GRIP1: variants seen among roughly 807,000 people sequenced by gnomAD.
GRIP1 encodes the protein glutamate receptor interacting protein 1, also known as glutamate receptor-interacting protein 1.
A neutral mutation model predicts 129.9 loss-of-function variants in GRIP1; 45 were observed. The observed-to-expected ratio is 0.35, with a 90% confidence interval of 0.27 to 0.44. The LOEUF is 0.44. GRIP1 is among the 20% of genes least tolerant of loss of function. GRIP1 has a pLI of 1.00. For missense variants in GRIP1, 1,196 were observed against 1,396.8 expected (o/e 0.86, Z 2.29); for synonymous variants, 530 against 520.8 (o/e 1.02, Z -0.24).
chr12:66,601,808 C>T lies in GRIP1; in HGVS notation c.56-4881G>A, dbSNP rs184609988. Among the ~76,000 whole-genome samples, 46 of 152,220 alleles carry T rather than the reference C, an allele frequency of 3.0e-4. No individual in the cohort carries two copies. The East Asian group carries it at 5.0e-3, about 17-fold the overall frequency. On this transcript the variant is annotated intron_variant, in intron 1 of 24. Transcript: ENST00000359742. ...TTCCATTAATGAACAAAATAAAATC[C>T]GCTGTGGATGAAACAATCTGTCCCT...
intron 1 of GRIP1, among the ~76,000 whole-genome samples, chr12:66,612,845 C>T (rs1214210765): frequency 6.6e-6 from 1 of 152,034 alleles, no homozygotes; most frequent in Non-Finnish European, 1.5e-5. Context: ...ATTTGATAAA[C>T]ATTAATCGAT....
intron 5 of GRIP1, among the ~76,000 whole-genome samples, chr12:66,527,257 C>A (rs1361205670): frequency 2.0e-5 from 3 of 151,250 alleles, no homozygotes; most frequent in Admixed American, 6.6e-5. Context: ...TTCACGATAG[C>A]AAAGACTTGG....
chr12:66,404,438 T>G (rs1287443079), intron 16 of GRIP1, among the ~76,000 whole-genome samples: 2 of 152,194 alleles, frequency 1.3e-5, no homozygotes, highest in African/African-American at 4.8e-5. Context: ...ACCAATTTAC[T>G]GAATTAATTG....
intron 1 of GRIP1, among the ~76,000 whole-genome samples, chr12:66,779,371 C>A (rs1377767335): frequency 2.0e-5 from 3 of 151,444 alleles, no homozygotes; most frequent in Non-Finnish European, 2.9e-5. Flanking sequence ...GTTCTGTATT[C>A]AAAAAAAACC....
At chr12:66,727,936 A>G (rs2036308521) in intron 1 of GRIP1, among the ~76,000 whole-genome samples, 11 of 152,234 alleles carry the variant, frequency 7.2e-5, no homozygotes, top group Admixed American at 7.2e-4. Context: ...TGGGCAAGAA[A>G]TAATTTCAAT....
intron 1 of GRIP1, among the ~76,000 whole-genome samples, chr12:66,717,415 A>G (rs1430612910): frequency 1.3e-5 from 2 of 151,182 alleles, no homozygotes; most frequent in Non-Finnish European, 2.9e-5. Context: ...ATGGCCCAGG[A>G]AGGTGTTTAT....
chr12:66,399,552 G>T, intron 16 of GRIP1, among the ~76,000 whole-genome samples: 1 of 151,940 alleles, frequency 6.6e-6, no homozygotes, highest in East Asian at 1.9e-4. Flanking sequence ...GGTTTACAAC[G>T]ATTAGTGAAA....
chr12:66,739,890 T>C (rs888316759), intron 1 of GRIP1, among the ~76,000 whole-genome samples: 2 of 152,140 alleles, frequency 1.3e-5, no homozygotes, highest in African/African-American at 4.8e-5. Flanking sequence ...CTGTTGAGGC[T>C]CAGTCCTCAA....
chr12:66,374,254 C>T (rs553320300), intron 22 of GRIP1, among the ~76,000 whole-genome samples: 8 of 152,128 alleles, frequency 5.3e-5, no homozygotes, highest in Admixed American at 6.5e-5. Flanking sequence ...GTGATGTGAT[C>T]TTGGCTCACT....
In GRIP1 at chr12:66,420,415, G is replaced by GTTTT. The variant is rs71096102; in HGVS notation, c.1838+301_1838+304dup. ...TCTAATAAGTGCTGCTACTTTCAGGGTTTTTTTTTTTTTTTTTTGGTCAGA... is the reference window on the plus strand; with the variant it reads ...TCTAATAAGTGCTGCTACTTTCAGGGTTTTTTTTTTTTTTTTTTTTTTGGTCAGA... On this transcript the variant is annotated intron_variant, in intron 15 of 24. Coordinates refer to ENST00000359742, the MANE Select transcript of GRIP1 (RefSeq NM_001366722.1). Among the ~76,000 whole-genome samples, 45 of 127,874 alleles carry GTTTT rather than the reference G, an allele frequency of 3.5e-4. 3 individuals are homozygous for GTTTT. Among genetic ancestry groups the GTTTT allele is most frequent in the African/African-American group, 8.5e-4 (29 of 34,054 alleles). The allele number at this position is 127,874 out of a possible 152,430, so 83.9% of individuals were successfully genotyped here. A position where few individuals can be genotyped will look rare whatever the true frequency, so the allele number is the denominator to read the frequency against.
At chr12:66,626,192 T>A (rs2030006971) in intron 1 of GRIP1, among the ~76,000 whole-genome samples, 1 of 151,870 alleles carries the variant, frequency 6.6e-6, no homozygotes, top group Non-Finnish European at 1.5e-5. Flanking sequence ...CAAAAACAAT[T>A]GGCTAGCTAT....
chr12:66,504,643 C>T (rs2060478535), intron 7 of GRIP1, among the ~76,000 whole-genome samples: 1 of 152,134 alleles, frequency 6.6e-6, no homozygotes, highest in African/African-American at 2.4e-5. Flanking sequence ...ATGGCCACCA[C>T]CAGTTAATCA....
intron 1 of GRIP1, among the ~76,000 whole-genome samples, chr12:66,774,235 T>A (rs1279696558): frequency 3.3e-5 from 5 of 152,186 alleles, no homozygotes; most frequent in Non-Finnish European, 7.3e-5. Flanking sequence ...TTCATTAAGA[T>A]CATTAACAGG....
intron 7 of GRIP1, among the ~76,000 whole-genome samples, chr12:66,507,564 T>A (rs1390696669): frequency 6.6e-6 from 1 of 152,172 alleles, no homozygotes; most frequent in Non-Finnish European, 1.5e-5. Flanking sequence ...AAGATGCAGT[T>A]GTGATAATGC....
intron 16 of GRIP1, among the ~76,000 whole-genome samples, chr12:66,404,119 G>A (rs182497909): frequency 3.1e-4 from 47 of 152,324 alleles, no homozygotes; most frequent in African/African-American, 9.9e-4. Context: ...AGGCTTGTAA[G>A]GAGAGAAATG....
At chr12:66,554,703 CA>C (rs1443779058) in intron 2 of GRIP1, among the ~76,000 whole-genome samples, 1 of 152,136 alleles carries the variant, frequency 6.6e-6, no homozygotes, top group East Asian at 1.9e-4. Flanking sequence ...GCATTCATTA[CA>C]AGCTGACTGA....
At position 66,723,304 on chromosome 12, in the gene GRIP1, CTT is replaced by C. The variant is rs57938064; in HGVS notation, c.-420+80747_-420+80748del. Among the ~76,000 whole-genome samples, 85 of 58,384 alleles carry C rather than the reference CTT, an allele frequency of 1.5e-3. 1 individual carries two copies. The highest frequency in any genetic ancestry group is 3.8e-3 in the African/African-American group (45 of 11,772). The allele number at this position is 58,384 out of a possible 152,430, so 38.3% of individuals were successfully genotyped here. On this transcript the variant is annotated intron_variant, in intron 1 of 4. Transcript: ENST00000538373. ...CCTTCCTTTCTTTCTTTCTTTCTTT[CTT>C]TTTTTTTTTTTTTTTTTTTTTTTTG...
At chr12:66,691,129 T>C (rs1193366812) in intron 1 of GRIP1, among the ~76,000 whole-genome samples, 1 of 152,194 alleles carries the variant, frequency 6.6e-6, no homozygotes, top group Non-Finnish European at 1.5e-5. Context: ...ATGCTTTAAC[T>C]TCAGAACTAA....
intron 1 of GRIP1, among the ~76,000 whole-genome samples, chr12:66,782,914 A>G (rs2038205994): frequency 1.3e-5 from 2 of 152,340 alleles, no homozygotes; most frequent in South Asian, 4.1e-4. Context: ...AAATCAGTTA[A>G]GTAGAGATGC....
Sources: gnomAD v4.1 joint callset for allele counts (sites outside exome capture counted in the v4.1 genomes callset) on GRCh38, gnomAD v4.1.1 for gene constraint, MANE v1.5 for transcripts, NCBI Gene and HGNC (gene_info 2026-07-23, HGNC 2026-07-21) for gene names.